Variants in RAB3GAP1 observed in about 807,000 individuals in gnomAD.
RAB3GAP1 encodes RAB3 GTPase activating protein catalytic subunit 1.
In RAB3GAP1, 86 loss-of-function variants were observed where a neutral mutation model predicts 130.7. The observed-to-expected ratio is 0.66, with a 90% CI of 0.55 to 0.79. RAB3GAP1 has a LOEUF of 0.79. RAB3GAP1 is among the 30% of genes least tolerant of loss of function. The pLI, the probability that RAB3GAP1 is intolerant of heterozygous loss-of-function variation, is 0.00. For synonymous variants in RAB3GAP1, 367 were observed against 401.7 expected, an observed-to-expected ratio of 0.91 and a Z score of 1.03; for missense variants, 1,029 against 1,169.4, an observed-to-expected ratio of 0.88 and a Z score of 1.75.
At chr2:135,156,874 A>G (rs1421037585) in intron 19 of RAB3GAP1, among the ~76,000 whole-genome samples, 4 of 152,170 alleles carry the variant, frequency 2.6e-5, no homozygotes, top group Non-Finnish European at 5.9e-5. Flanking sequence ...CAAAAAGTCA[A>G]TGTTAAAACT....
chr2:135,058,126 T>A (rs1007416308), intron 3 of RAB3GAP1, 40 bp downstream of exon 3: 1 of 1,515,034 alleles, frequency 6.6e-7, no homozygotes, highest in South Asian at 1.1e-5. Context: ...GACTATTTAC[T>A]TTGAAACCTC....
intron 15 of RAB3GAP1, among the ~76,000 whole-genome samples, chr2:135,134,669 A>G (rs1221635065): frequency 6.6e-6 from 1 of 152,230 alleles, no homozygotes. Flanking sequence ...AAAAACATTT[A>G]TATCATTTGC....
intron 5 of RAB3GAP1, among the ~76,000 whole-genome samples, chr2:135,096,087 T>A (rs1459613053): frequency 1.3e-5 from 2 of 152,198 alleles, no homozygotes; most frequent in Non-Finnish European, 2.9e-5. Context: ...TACATCACAT[T>A]TAAAAGGTCT....
chr2:135,054,233 T>A (rs1688951778), intron 2 of RAB3GAP1, among the ~76,000 whole-genome samples: 1 of 152,076 alleles, frequency 6.6e-6, no homozygotes, highest in Non-Finnish European at 1.5e-5. Context: ...GACTGAAAAT[T>A]TTGCTTGTGT....
At chr2:135,061,097 A>G (rs11888085) in intron 3 of RAB3GAP1, among the ~76,000 whole-genome samples, 8,996 of 148,650 alleles carry the variant, frequency 0.061, 514 homozygotes, top group African/African-American at 0.16. Context: ...GACATCCTTT[A>G]CTCACGATAA....
intron 3 of RAB3GAP1, among the ~76,000 whole-genome samples, chr2:135,060,597 C>A (rs1558757074): frequency 2.0e-5 from 3 of 151,844 alleles, no homozygotes; most frequent in Admixed American, 2.0e-4. Context: ...ATGGGTATAA[C>A]TTACACTCCT....
intron 5 of RAB3GAP1, among the ~76,000 whole-genome samples, chr2:135,112,828 TCTCTCTCACA>T (rs994404748): frequency 1.8e-4 from 23 of 125,762 alleles, no homozygotes; most frequent in African/African-American, 8.6e-4. Context: ...TCTCTCTCTC[TCTCTCTCACA>T]CACACACACA....
intron 19 of RAB3GAP1, among the ~76,000 whole-genome samples, chr2:135,156,186 A>G (rs1185455702): frequency 6.6e-6 from 1 of 152,200 alleles, no homozygotes; most frequent in African/African-American, 2.4e-5. Flanking sequence ...TTTCATAGAG[A>G]CAATTATCAA....
At chr2:135,071,399 G>T (rs754105188) in intron 3 of RAB3GAP1, among the ~76,000 whole-genome samples, 2 of 152,056 alleles carry the variant, frequency 1.3e-5, no homozygotes, top group Non-Finnish European at 2.9e-5. Context: ...AAATAGTTTG[G>T]TTTCATATTT....
At chr2:135,078,220 A>G (rs187700803) in intron 3 of RAB3GAP1, among the ~76,000 whole-genome samples, 31 of 152,298 alleles carry the variant, frequency 2.0e-4, no homozygotes, top group Admixed American at 2.6e-4. Flanking sequence ...TATGTAATGT[A>G]ACAAGAGTTT....
chr2:135,128,848 T>G (rs1691432717), intron 11 of RAB3GAP1, among the ~76,000 whole-genome samples: 2 of 152,206 alleles, frequency 1.3e-5, no homozygotes, highest in African/African-American at 4.8e-5. Flanking sequence ...TCGCTTTACC[T>G]CTGTTTATAA....
chr2:135,057,872 T>G (rs1689058359), intron 2 of RAB3GAP1, 139 bp from the exon 3 acceptor site: 2 of 668,090 alleles, frequency 3.0e-6, no homozygotes, highest in Non-Finnish European at 5.3e-6. Flanking sequence ...TATCCATAAA[T>G]TAAGCTAGCA....
At chr2:135,094,006 C>T (rs905635018) in intron 5 of RAB3GAP1, among the ~76,000 whole-genome samples, 1 of 152,156 alleles carries the variant, frequency 6.6e-6, no homozygotes, top group African/African-American at 2.4e-5. Context: ...AGAGGCTCAG[C>T]GCCCCAGGTT....
intron 19 of RAB3GAP1, among the ~76,000 whole-genome samples, chr2:135,158,087 T>TA (rs1237042645): frequency 6.6e-6 from 1 of 152,078 alleles, no homozygotes; most frequent in African/African-American, 2.4e-5. Flanking sequence ...GGTGTGGACT[T>TA]ACGAGTTTTT....
intron 3 of RAB3GAP1, among the ~76,000 whole-genome samples, chr2:135,066,032 CA>C (rs1422912473): frequency 6.6e-6 from 1 of 152,060 alleles, no homozygotes; most frequent in Non-Finnish European, 1.5e-5. Context: ...CTCAGTCTCC[CA>C]AAGTGCTGGG....
In RAB3GAP1 at chr2:135,139,556, A is replaced by T. The variant is rs566913991; in HGVS notation, c.1923+3624A>T. On this transcript the variant is annotated intron_variant, in intron 17 of 23. Transcript: ENST00000264158. ...ACCCTGTCTCAAAAATTAAAAAAAA[A>T]AAAAATAAAAAGTGCACAAATCTTT... Among the ~76,000 whole-genome samples, 622 of 152,162 alleles carry T rather than the reference A, an allele frequency of 4.1e-3. 3 individuals carry two copies. The highest frequency in any genetic ancestry group is 0.013 in the East Asian group (65 of 5,188).
intron 19 of RAB3GAP1, among the ~76,000 whole-genome samples, chr2:135,157,705 G>A (rs1199543236): frequency 1.3e-5 from 2 of 151,816 alleles, no homozygotes; most frequent in East Asian, 1.9e-4. Context: ...GGTAGCACAC[G>A]TCTGTAATCC....
chr2:135,069,192 G>A (rs1466606636), intron 3 of RAB3GAP1, among the ~76,000 whole-genome samples: 2 of 152,106 alleles, frequency 1.3e-5, no homozygotes, highest in African/African-American at 2.4e-5. Flanking sequence ...CAGAATACAC[G>A]ATTAACCCCT....
downstream of RAB3GAP1, among the ~76,000 whole-genome samples, chr2:135,173,882 C>T (rs1007849098): frequency 2.0e-5 from 3 of 152,102 alleles, no homozygotes; most frequent in African/African-American, 4.8e-5. Context: ...ATGGATGCCT[C>T]GATGCCTCTA....
Sources: allele counts gnomAD v4.1 joint callset (sites outside exome capture counted in the v4.1 genomes callset), GRCh38; gene constraint gnomAD v4.1.1; transcripts MANE v1.5; gene names NCBI Gene and HGNC (gene_info 2026-07-23, HGNC 2026-07-21).